CSMD1: variants seen among roughly 807,000 people sequenced by gnomAD.
CSMD1 encodes the protein CUB and sushi domain-containing protein 1.
A neutral mutation model predicts 417.5 loss-of-function variants in CSMD1; 213 were observed. The observed-to-expected ratio is 0.51, with a 90% CI of 0.46 to 0.57. The LOEUF (loss-of-function observed/expected upper bound fraction) is 0.57, where lower values mean the gene tolerates loss of function less well. Among genes scored for constraint, CSMD1 ranks in the 20% least tolerant of loss-of-function variants. The pLI, the probability that CSMD1 is intolerant of heterozygous loss-of-function variation, is 0.00. For synonymous variants in CSMD1, 2,862 were observed against 1,736.8 expected (o/e 1.65, Z -16.11); for missense variants, 6,923 against 4,529.7 (o/e 1.53, Z -15.17).
rs1198125859 is a variant in CSMD1, at chr8:2,961,058, T to TA, written c.9702+82dup. ...AATATAACATGAATAAGGTATGATA[T>TA]AAAAAAGCACTCACATATGTTTAAG... On this transcript the variant is annotated intron_variant, in intron 62 of 69. Coordinates refer to ENST00000635120, the MANE Select transcript of CSMD1 (RefSeq NM_033225.6). 8 of 869,438 alleles carry TA rather than the reference T, an allele frequency of 9.2e-6. No individual in the cohort carries two copies. In the African/African-American group the frequency reaches 1.2e-4, roughly 13 times the overall value. The allele number at this position is 869,438 out of a possible 1,614,324, so 53.9% of individuals were successfully genotyped here. A position where few individuals can be genotyped will look rare whatever the true frequency, so the allele number is the denominator to read the frequency against.
chr8:3,987,939 G>C (rs1365208684), intron 5 of CSMD1, among the ~76,000 whole-genome samples: 1 of 152,186 alleles, frequency 6.6e-6, no homozygotes, highest in East Asian at 1.9e-4. Flanking sequence ...TCACATCAAA[G>C]GACTGAGAAA....
intron 1 of CSMD1, among the ~76,000 whole-genome samples, chr8:4,681,165 C>G (rs1806027663): frequency 6.6e-6 from 1 of 152,094 alleles, no homozygotes; most frequent in Admixed American, 6.5e-5. Flanking sequence ...AACAATACTT[C>G]TTGAGAAGGT....
chr8:4,309,093 C>T (rs914281176), intron 3 of CSMD1, among the ~76,000 whole-genome samples: 1 of 152,072 alleles, frequency 6.6e-6, no homozygotes, highest in African/African-American at 2.4e-5. Flanking sequence ...TTTTTGTAGT[C>T]ACTTGTTCTA....
intron 3 of CSMD1, among the ~76,000 whole-genome samples, chr8:4,130,022 G>A (rs1164145143): frequency 6.6e-6 from 1 of 152,012 alleles, no homozygotes. Context: ...CTTGTCAGAA[G>A]ATTTTTATGG....
intron 29 of CSMD1, 105 bp from the exon 30 acceptor site, chr8:3,214,796 A>G (rs1385674021): frequency 1.3e-6 from 1 of 742,888 alleles, no homozygotes; most frequent in Non-Finnish European, 2.1e-6. Context: ...AGGGCCTAGA[A>G]CAATGTCCTA....
chr8:4,203,069 G>C (rs1050354362), intron 3 of CSMD1, among the ~76,000 whole-genome samples: 2 of 152,188 alleles, frequency 1.3e-5, no homozygotes, highest in Non-Finnish European at 1.5e-5. Flanking sequence ...TAAGGATTTT[G>C]AGCAAGTGAG....
intron 3 of CSMD1, among the ~76,000 whole-genome samples, chr8:4,393,406 C>G (rs1251585023): frequency 6.6e-6 from 1 of 152,172 alleles, no homozygotes; most frequent in Non-Finnish European, 1.5e-5. Flanking sequence ...GTTGTGAAAT[C>G]ATTTAATAGG....
chr8:4,324,351 G>C (rs539166573), intron 3 of CSMD1, among the ~76,000 whole-genome samples: 5 of 152,182 alleles, frequency 3.3e-5, no homozygotes, highest in African/African-American at 4.8e-5. Flanking sequence ...TCCTGTAGTA[G>C]CAGCCATTCC....
intron 5 of CSMD1, among the ~76,000 whole-genome samples, chr8:3,783,124 T>G (rs762142465): frequency 6.6e-6 from 1 of 152,202 alleles, no homozygotes; most frequent in Non-Finnish European, 1.5e-5. Context: ...TTCTCGGGAT[T>G]TATCCAGAAG....
At chr8:3,499,391 T>C (rs1021811852) in intron 10 of CSMD1, among the ~76,000 whole-genome samples, 1 of 152,200 alleles carries the variant, frequency 6.6e-6, no homozygotes, top group Non-Finnish European at 1.5e-5. Context: ...ACATGAGCCA[T>C]CTCTGCTTCT....
Position 3,611,086 on chromosome 8 carries a change from G to T in CSMD1, c.1097+5624C>A, listed in dbSNP as rs1454027638. Among the ~76,000 whole-genome samples, 5 of 103,196 alleles carry T rather than the reference G, an allele frequency of 4.8e-5. No homozygotes were observed. The Admixed American group carries it at 5.5e-4, about 11-fold the overall frequency. The allele number at this position is 103,196 out of a possible 152,430, so 67.7% of individuals were successfully genotyped here. A position where few individuals can be genotyped will look rare whatever the true frequency, so the allele number is the denominator to read the frequency against. ...ATCACACTCTGCGAACTGTTGTGGG[G>T]TGGGGGGAGGGGGGAGGGATAGCAT... On this transcript the variant is annotated intron_variant, in intron 8 of 69. Coordinates refer to ENST00000635120, the MANE Select transcript of CSMD1 (RefSeq NM_033225.6).
At chr8:4,076,328 C>T (rs1310616286) in intron 3 of CSMD1, among the ~76,000 whole-genome samples, 1 of 152,190 alleles carries the variant, frequency 6.6e-6, no homozygotes, top group African/African-American at 2.4e-5. Context: ...CCCAGCCTTG[C>T]AGAACTGTGT....
chr8:4,029,825 C>T (rs117932250), intron 4 of CSMD1, among the ~76,000 whole-genome samples: 1 of 152,262 alleles, frequency 6.6e-6, no homozygotes, highest in East Asian at 1.9e-4. Flanking sequence ...AAAATACAAG[C>T]TAGTTACTTC....
chr8:4,376,764 G>C (rs906474280), intron 3 of CSMD1, among the ~76,000 whole-genome samples: 2 of 152,114 alleles, frequency 1.3e-5, no homozygotes, highest in African/African-American at 2.4e-5. Context: ...ATATTTTTCA[G>C]CCTGTTTGAT....
chr8:3,041,505 G>C (rs1455901067), intron 50 of CSMD1, among the ~76,000 whole-genome samples: 1 of 152,142 alleles, frequency 6.6e-6, no homozygotes, highest in Non-Finnish European at 1.5e-5. Flanking sequence ...ATAGCATCAG[G>C]TTATTTCTTT....
intron 2 of CSMD1, among the ~76,000 whole-genome samples, chr8:4,568,258 C>A (rs903730711): frequency 2.0e-5 from 3 of 152,064 alleles, no homozygotes; most frequent in African/African-American, 7.2e-5. Context: ...GGGATTTCCC[C>A]TAATGCTATG....
chr8:3,431,504 C>A (rs547660509), intron 12 of CSMD1, among the ~76,000 whole-genome samples: 1 of 152,236 alleles, frequency 6.6e-6, no homozygotes, highest in East Asian at 1.9e-4. Flanking sequence ...CTGACCCATC[C>A]CATCCCCATG....
Position 4,642,905 on chromosome 8 carries a change from C to G in CSMD1, c.86-5347G>C, listed in dbSNP as rs139532874. ...GACTATACTGTTCTGTATGTGGAGA[C>G]AGCCATGCAGGGAAATGATACTCTG... On this transcript the variant is annotated intron_variant, in intron 1 of 69. Coordinates refer to ENST00000635120, the MANE Select transcript of CSMD1 (RefSeq NM_033225.6). Among the ~76,000 whole-genome samples the G allele has an allele frequency of 1.4e-3, 220 of 152,266 alleles. 5 individuals carry two copies. Among genetic ancestry groups the G allele is most frequent in the African/African-American group, 5.1e-3 (213 of 41,550 alleles).
chr8:4,387,953 G>C (rs1395669262), intron 3 of CSMD1, among the ~76,000 whole-genome samples: 3 of 151,990 alleles, frequency 2.0e-5, no homozygotes, highest in African/African-American at 4.8e-5. Flanking sequence ...TTCATGTCTG[G>C]TAATTTAAAA....
Sources: gnomAD v4.1 joint callset for allele counts (sites outside exome capture counted in the v4.1 genomes callset) on GRCh38, gnomAD v4.1.1 for gene constraint, MANE v1.5 for transcripts, NCBI Gene and HGNC (gene_info 2026-07-23, HGNC 2026-07-21) for gene names.